Variants in KIAA1217 observed in about 807,000 individuals in gnomAD.
The protein encoded by KIAA1217 is KIAA1217.
Under a neutral mutation model 163.9 loss-of-function variants are expected in KIAA1217, and 88 were observed. That is an observed-to-expected ratio of 0.54 (90% confidence interval 0.45 to 0.64). The LOEUF (loss-of-function observed/expected upper bound fraction) is 0.64. Among genes scored for constraint, KIAA1217 ranks in the 30% least tolerant of loss-of-function variants. KIAA1217 has a pLI of 0.00. For missense variants in KIAA1217, 2,372 were observed against 2,475.0 expected, an observed-to-expected ratio of 0.96 and a Z score of 0.88; for synonymous variants, 903 against 923.1, an observed-to-expected ratio of 0.98 and a Z score of 0.39.
chr10:23,775,569 C>G (rs1202119685), intron 1 of KIAA1217, among the ~76,000 whole-genome samples: 1 of 152,182 alleles, frequency 6.6e-6, no homozygotes, highest in Non-Finnish European at 1.5e-5. Flanking sequence ...TCACACACGT[C>G]TGTTGTAGCA....
At chr10:24,409,807 A>G (rs2057575469) in intron 3 of KIAA1217, among the ~76,000 whole-genome samples, 1 of 151,950 alleles carries the variant, frequency 6.6e-6, no homozygotes, top group Admixed American at 6.6e-5. Flanking sequence ...TTAAGTCCTC[A>G]TAGCTCAGCT....
At chr10:24,259,139 G>A (rs1304960272) in intron 2 of KIAA1217, among the ~76,000 whole-genome samples, 3 of 152,056 alleles carry the variant, frequency 2.0e-5, no homozygotes, top group Non-Finnish European at 2.9e-5. Flanking sequence ...GCTCTGGTAT[G>A]TTAGAAAAAC....
intron 1 of KIAA1217, among the ~76,000 whole-genome samples, chr10:23,836,515 CTTT>C (rs58429186): frequency 1.2e-4 from 17 of 138,162 alleles, no homozygotes; most frequent in Non-Finnish European, 1.4e-4. Flanking sequence ...TCCAGAACTG[CTTT>C]TTTTTTTTTT....
chr10:24,159,034 C>T (rs1194341418), intron 2 of KIAA1217, among the ~76,000 whole-genome samples: 1 of 152,174 alleles, frequency 6.6e-6, no homozygotes, highest in Non-Finnish European at 1.5e-5. Flanking sequence ...ACAGTGCATG[C>T]TTCAACACAG....
intron 1 of KIAA1217, among the ~76,000 whole-genome samples, chr10:23,875,251 G>A (rs1840628671): frequency 6.6e-6 from 1 of 151,966 alleles, no homozygotes; most frequent in African/African-American, 2.4e-5. Flanking sequence ...AAGGAAAGAG[G>A]AAACTGTTCT....
intron 3 of KIAA1217, among the ~76,000 whole-genome samples, chr10:24,421,635 A>G (rs1011025093): frequency 9.2e-5 from 14 of 152,220 alleles, no homozygotes; most frequent in African/African-American, 2.9e-4. Context: ...TTTGCTAAAC[A>G]TAAGAACATT....
At chr10:24,185,902 T>G (rs1189044431) in intron 2 of KIAA1217, among the ~76,000 whole-genome samples, 1 of 151,976 alleles carries the variant, frequency 6.6e-6, no homozygotes, top group Admixed American at 6.6e-5. Flanking sequence ...AGGCAGAGGT[T>G]GCAGTGAGCT....
At chr10:24,435,729 G>C (rs527599103) in intron 4 of KIAA1217, among the ~76,000 whole-genome samples, 1 of 152,054 alleles carries the variant, frequency 6.6e-6, no homozygotes, top group African/African-American at 2.4e-5. Context: ...ATGAGAGGGA[G>C]GAAAAAGAAG....
chr10:23,727,421 G>A (rs992423549), intron 1 of KIAA1217, among the ~76,000 whole-genome samples: 1 of 151,950 alleles, frequency 6.6e-6, no homozygotes, highest in Non-Finnish European at 1.5e-5. Flanking sequence ...TTAGCTGGGT[G>A]TGGTGGTGCA....
chr10:24,446,302 T>C (rs2060929568), intron 5 of KIAA1217, among the ~76,000 whole-genome samples: 1 of 152,200 alleles, frequency 6.6e-6, no homozygotes, highest in African/African-American at 2.4e-5. Flanking sequence ...GATGAGTAGG[T>C]TGCTTAATTT....
intron 1 of KIAA1217, among the ~76,000 whole-genome samples, chr10:23,701,542 C>T (rs1266242707): frequency 6.6e-6 from 1 of 152,170 alleles, no homozygotes; most frequent in Admixed American, 6.5e-5. Flanking sequence ...CTGATGGCCT[C>T]CTGAACCAGC....
intron 2 of KIAA1217, among the ~76,000 whole-genome samples, chr10:24,309,296 A>G (rs1407338595): frequency 1.3e-5 from 2 of 151,556 alleles, no homozygotes; most frequent in African/African-American, 2.4e-5. Context: ...GGTCTTTCAA[A>G]CTGTATTGTG....
chr10:23,907,487 A>G (rs1040667522), intron 1 of KIAA1217, among the ~76,000 whole-genome samples: 8 of 152,116 alleles, frequency 5.3e-5, no homozygotes. Flanking sequence ...GGTATAATTC[A>G]GTCTGAGTCA....
chr10:24,380,409 T>C (rs1412581930), intron 2 of KIAA1217, among the ~76,000 whole-genome samples: 1 of 152,050 alleles, frequency 6.6e-6, no homozygotes, highest in Non-Finnish European at 1.5e-5. Flanking sequence ...GCGGATCACC[T>C]GAGGTCAGGA....
At chr10:23,797,608 A>G (rs1221400978) in intron 1 of KIAA1217, among the ~76,000 whole-genome samples, 1 of 152,112 alleles carries the variant, frequency 6.6e-6, no homozygotes, top group Non-Finnish European at 1.5e-5. Flanking sequence ...GCGGAAGGTG[A>G]AGAGGAAGCA....
intron 1 of KIAA1217, among the ~76,000 whole-genome samples, chr10:23,905,609 T>C (rs192175338): frequency 6.6e-6 from 1 of 152,194 alleles, no homozygotes; most frequent in Admixed American, 6.5e-5. Context: ...CAGGATGCTC[T>C]GCCACAGGCT....
At chr10:24,089,735 A>G (rs77862106) in intron 2 of KIAA1217, among the ~76,000 whole-genome samples, 38,691 of 151,488 alleles carry the variant, frequency 0.26, 9,389 homozygotes, top group African/African-American at 0.63. Flanking sequence ...AGCGTGACAA[A>G]GGATGTAAAG....
intron 1 of KIAA1217, among the ~76,000 whole-genome samples, chr10:23,930,279 G>A (rs1843204704): frequency 6.6e-6 from 1 of 151,870 alleles, no homozygotes; most frequent in South Asian, 2.1e-4. Flanking sequence ...TCTGAAATAA[G>A]GGATTTAAAA....
At chr10:24,263,227 T>C (rs2075892245) in intron 2 of KIAA1217, among the ~76,000 whole-genome samples, 1 of 152,248 alleles carries the variant, frequency 6.6e-6, no homozygotes, top group African/African-American at 2.4e-5. Flanking sequence ...GCATAAACTT[T>C]CCAGTTGTAC....
Sources: gnomAD v4.1 joint callset for allele counts (sites outside exome capture counted in the v4.1 genomes callset) on GRCh38, gnomAD v4.1.1 for gene constraint, MANE v1.5 for transcripts, NCBI Gene and HGNC (gene_info 2026-07-23, HGNC 2026-07-21) for gene names.